Variants in LUZP2 observed in about 807,000 individuals in gnomAD.
LUZP2 encodes leucine zipper protein 2.
In LUZP2, 52 loss-of-function variants were observed where a neutral mutation model predicts 51.6. The observed-to-expected ratio is 1.01, with a 90% CI of 0.81 to 1.27. The LOEUF (loss-of-function observed/expected upper bound fraction) is 1.27, where lower values mean the gene tolerates loss of function less well. LUZP2 is among the 50% of genes most tolerant of loss of function. The pLI is 0.00. For synonymous variants in LUZP2, 154 were observed against 137.3 expected, an observed-to-expected ratio of 1.12 and a Z score of -0.85; for missense variants, 436 against 395.4, an observed-to-expected ratio of 1.10 and a Z score of -0.87.
chr11:24,602,855 G>A (rs1262296097), intron 1 of LUZP2, among the ~76,000 whole-genome samples: 1 of 151,656 alleles, frequency 6.6e-6, no homozygotes, highest in Non-Finnish European at 1.5e-5. Context: ...GAAGTACAGT[G>A]AGATTAAGGG....
intron 5 of LUZP2, among the ~76,000 whole-genome samples, chr11:24,838,051 A>T (rs1850909764): frequency 6.6e-6 from 1 of 151,592 alleles, no homozygotes; most frequent in Non-Finnish European, 1.5e-5. Flanking sequence ...TCTATTTGTT[A>T]TATGTTACTA....
chr11:24,826,100 C>T (rs548586454), intron 5 of LUZP2, among the ~76,000 whole-genome samples: 1,682 of 145,248 alleles, frequency 0.012, 39 homozygotes, highest in African/African-American at 0.04. Context: ...GGCGTGAACC[C>T]GGGAGACGGA....
chr11:24,628,782 C>T (rs916654426), intron 1 of LUZP2, among the ~76,000 whole-genome samples: 1 of 152,100 alleles, frequency 6.6e-6, no homozygotes, highest in Non-Finnish European at 1.5e-5. Flanking sequence ...TGATCTGGAA[C>T]TCCTGACCTC....
chr11:24,781,347 A>C (rs1291580260), intron 5 of LUZP2, among the ~76,000 whole-genome samples: 1 of 152,076 alleles, frequency 6.6e-6, no homozygotes, highest in Non-Finnish European at 1.5e-5. Context: ...TATCATCAAA[A>C]TAGATTGACA....
intron 1 of LUZP2, among the ~76,000 whole-genome samples, chr11:24,673,753 C>A (rs1426162099): frequency 4.6e-5 from 7 of 152,156 alleles, no homozygotes; most frequent in Non-Finnish European, 7.4e-5. Flanking sequence ...TACCAAATGT[C>A]CCCTGTAGGG....
intron 10 of LUZP2, among the ~76,000 whole-genome samples, chr11:25,051,987 G>A (rs1037180165): frequency 7.2e-5 from 11 of 151,974 alleles, no homozygotes; most frequent in African/African-American, 2.2e-4. Context: ...TCTGTCCTCA[G>A]TGAGTTCCAG....
chr11:24,643,341 GA>G (rs1436142684), intron 1 of LUZP2, among the ~76,000 whole-genome samples: 1 of 151,680 alleles, frequency 6.6e-6, no homozygotes. Context: ...TTAAGGAGTG[GA>G]AGAATTAAGA....
At chr11:24,556,620 T>C (rs1851877526) in intron 1 of LUZP2, among the ~76,000 whole-genome samples, 3 of 152,210 alleles carry the variant, frequency 2.0e-5, no homozygotes, top group Admixed American at 6.6e-5. Flanking sequence ...GAAGAGTATA[T>C]AATATTCTCA....
intron 5 of LUZP2, among the ~76,000 whole-genome samples, chr11:24,855,793 AG>A (rs1295058426): frequency 6.6e-6 from 1 of 152,178 alleles, no homozygotes; most frequent in Admixed American, 6.5e-5. Flanking sequence ...GAGAAAACTC[AG>A]AAATAAAGGT....
intron 1 of LUZP2, among the ~76,000 whole-genome samples, chr11:24,627,132 C>T (rs78397217): frequency 0.026 from 3,918 of 152,136 alleles, 170 homozygotes; most frequent in African/African-American, 0.09. Flanking sequence ...TGTGAGTACA[C>T]AGATAATACA....
chr11:24,756,622 G>C (rs779101302), intron 4 of LUZP2, among the ~76,000 whole-genome samples: 1 of 152,110 alleles, frequency 6.6e-6, no homozygotes, highest in Non-Finnish European at 1.5e-5. Flanking sequence ...GACACAAATT[G>C]TTTTGGGAAA....
intron 1 of LUZP2, among the ~76,000 whole-genome samples, chr11:24,557,001 T>G (rs1351854108): frequency 6.6e-6 from 1 of 152,168 alleles, no homozygotes; most frequent in Non-Finnish European, 1.5e-5. Context: ...CTACCATTAT[T>G]AATTAATTTC....
intron 1 of LUZP2, among the ~76,000 whole-genome samples, chr11:24,622,499 C>A (rs887187091): frequency 1.3e-5 from 2 of 152,094 alleles, no homozygotes; most frequent in African/African-American, 2.4e-5. Flanking sequence ...GCCTGAGACA[C>A]CGCACCAGGC....
At chr11:25,000,632 C>T (rs938426291) in intron 9 of LUZP2, among the ~76,000 whole-genome samples, 2 of 152,142 alleles carry the variant, frequency 1.3e-5, no homozygotes, top group African/African-American at 4.8e-5. Context: ...GCCATGTTGC[C>T]CAACTCCAGA....
chr11:24,903,191 C>T (rs533182778), intron 5 of LUZP2, among the ~76,000 whole-genome samples: 42 of 152,186 alleles, frequency 2.8e-4, no homozygotes, highest in Middle Eastern at 3.4e-3. Flanking sequence ...ATTGGGGATA[C>T]ACATCTCTTC....
At chr11:24,965,420 T>C (rs934336016) in intron 7 of LUZP2, among the ~76,000 whole-genome samples, 1 of 151,580 alleles carries the variant, frequency 6.6e-6, no homozygotes, top group African/African-American at 2.4e-5. Context: ...TATCTCTGTC[T>C]ACCAAGAAAG....
rs7358379 is a variant in LUZP2, at chr11:25,078,526, G to A, written c.937-28G>A. 1.1e-3 allele frequency: 1,702 copies of A among 1,547,992 alleles called. 15 individuals carry two copies. The African/African-American group carries it at 0.019, about 17-fold the overall frequency. On this transcript the variant is annotated intron_variant, in intron 11 of 11. Coordinates refer to ENST00000336930, the MANE Select transcript of LUZP2 (RefSeq NM_001009909.4). ...TTAAAATGTGTTATTTTGATTCTTC[G>A]AATTGTCTTTTCTGTATTGTTTAAC...
At chr11:24,631,416 T>C (rs1243429112) in intron 1 of LUZP2, among the ~76,000 whole-genome samples, 2 of 151,842 alleles carry the variant, frequency 1.3e-5, no homozygotes, top group African/African-American at 2.4e-5. Flanking sequence ...TTCTTTTCTT[T>C]TCATATCATG....
At chr11:24,712,621 T>A (rs976685105) in intron 1 of LUZP2, among the ~76,000 whole-genome samples, 1 of 152,068 alleles carries the variant, frequency 6.6e-6, no homozygotes, top group African/African-American at 2.4e-5. Flanking sequence ...TGATCAAATA[T>A]TGAGGGTGGA....
Sources: allele counts gnomAD v4.1 joint callset (sites outside exome capture counted in the v4.1 genomes callset), GRCh38; gene constraint gnomAD v4.1.1; transcripts MANE v1.5; gene names NCBI Gene and HGNC (gene_info 2026-07-23, HGNC 2026-07-21).